Variants in SREK1 observed in about 807,000 individuals in gnomAD.
SREK1 encodes the protein splicing regulatory glutamine/lysine-rich protein 1.
Under a neutral mutation model 66.5 loss-of-function variants are expected in SREK1, and 13 were observed. That is an observed-to-expected ratio of 0.20 (90% CI 0.13 to 0.31). The LOEUF is 0.31. SREK1 is among the 10% of genes least tolerant of loss of function. SREK1 has a pLI of 1.00. For synonymous variants in SREK1, 265 were observed against 263.5 expected, an observed-to-expected ratio of 1.01 and a Z score of -0.05; for missense variants, 607 against 769.6, an observed-to-expected ratio of 0.79 and a Z score of 2.50.
chr5:66,157,616 A>G (rs1050561380), intron 2 of SREK1: 1 of 967,874 alleles, frequency 1.0e-6, no homozygotes, highest in Non-Finnish European at 1.2e-6. Flanking sequence ...TAATACATAT[A>G]AAGCAGATTA....
chr5:66,151,107 C>T (rs935880233), intron 1 of SREK1, among the ~76,000 whole-genome samples: 8 of 152,088 alleles, frequency 5.3e-5, no homozygotes, highest in Admixed American at 3.9e-4. Context: ...TCCCATAGTG[C>T]TAGGATTACA....
chr5:66,159,221 A>G lies in SREK1; in HGVS notation c.298A>G (p.Lys100Glu), dbSNP rs765659607. ...ALIVVPCAEG[K>E]IPEESKALSL... ...ATGTTTGGAACTTGCCTCTGCAGGTAAAATCCCAGAGGAATCCAAAGCCCT... is the reference window on the plus strand; with the variant it reads ...ATGTTTGGAACTTGCCTCTGCAGGTGAAATCCCAGAGGAATCCAAAGCCCT... The change falls in exon 3 of 12, where the codon AAA (lysine) becomes GAA (glutamate). Residue 100 changes from lysine (K) to glutamate (E), a missense_variant and splice_region_variant. Around this residue, in one of 5 missense-constraint regions of SREK1, gnomAD observed 99 missense variants for 186.6 expected, o/e 0.53. Coordinates refer to ENST00000334121, the MANE Select transcript of SREK1 (RefSeq NM_001077199.3). The G allele has an allele frequency of 6.2e-7, 1 of 1,608,674 alleles. No individual in the cohort carries two copies. The highest frequency in any genetic ancestry group is 1.1e-5 in the South Asian group (1 of 89,980).
rs1746161448 is a variant in SREK1 at position 66,177,586 on chromosome 5, A to C, written c.1653A>C (p.Ser551=). 14 of 1,611,460 alleles carry C rather than the reference A, an allele frequency of 8.7e-6. No homozygotes were observed. Among genetic ancestry groups the C allele is most frequent in the Non-Finnish European group, 1.2e-5 (14 of 1,178,498 alleles). The change falls in exon 11 of 12, where the codon TCA becomes TCC. Residue 551 remains serine, a synonymous_variant. Transcript: ENST00000334121. The part of the protein sequence containing the change: ...HISERRERER[S]TSMRKSSNDR... Reference sequence around the variant, plus strand: ...GTGAAAGAAGAGAGAGAGAACGTTCAACGTCTATGAGAAAGAGTTCTAATG... The same window carrying C: ...GTGAAAGAAGAGAGAGAGAACGTTCCACGTCTATGAGAAAGAGTTCTAATG...
intron 3 of SREK1, among the ~76,000 whole-genome samples, chr5:66,161,046 C>T (rs1399511984): frequency 6.6e-6 from 1 of 152,068 alleles, no homozygotes; most frequent in East Asian, 1.9e-4. Flanking sequence ...CTTTTCCTAC[C>T]ATGGCATAAG....
chr5:66,151,552 T>C (rs1743808822), intron 1 of SREK1, among the ~76,000 whole-genome samples: 1 of 152,154 alleles, frequency 6.6e-6, no homozygotes, highest in Non-Finnish European at 1.5e-5. Flanking sequence ...AGGAGGTTGA[T>C]GAATGTATTT....
chr5:66,144,381 A>G lies in SREK1; in HGVS notation c.5A>G (p.Asn2Ser), dbSNP rs1403436398. 2 of 1,547,460 alleles carry G rather than the reference A, an allele frequency of 1.3e-6. No homozygotes were observed. Among genetic ancestry groups the G allele is most frequent in the African/African-American group, 1.4e-5 (1 of 72,868 alleles). Residue 2 changes from asparagine to serine, a missense_variant, in exon 1 of 12, where the codon AAC becomes AGC. Around this residue, in one of 5 missense-constraint regions of SREK1, gnomAD observed 75 missense variants for 72.9 expected, o/e 1.03. Coordinates refer to ENST00000334121, the MANE Select transcript of SREK1 (RefSeq NM_001077199.3). M[N>S]SGGGFGLGLG... ...GGCAACGGCAGCGGGATCGGGATGA[A>G]CAGCGGCGGCGGCTTCGGTTTGGGC... is the stretch of plus-strand genomic sequence containing the variant.
intron 3 of SREK1, among the ~76,000 whole-genome samples, chr5:66,160,742 G>A (rs913584941): frequency 4.6e-5 from 7 of 151,978 alleles, no homozygotes; most frequent in Non-Finnish European, 8.8e-5. Context: ...CCATTAGCAA[G>A]TGCCATTACT....
chr5:66,157,121 G>A (rs1387420021), intron 2 of SREK1: 1 of 944,014 alleles, frequency 1.1e-6, no homozygotes, highest in East Asian at 1.2e-4. Context: ...AATTAGAATG[G>A]TAATTGAAAG....
In SREK1 at chr5:66,178,926, T is replaced by C. The variant is rs914340789; in HGVS notation, c.*58T>C. On this transcript the variant is annotated 3_prime_UTR_variant, in exon 12 of 12. Coordinates refer to ENST00000334121, the MANE Select transcript of SREK1 (RefSeq NM_001077199.3). ...GAATCAAATCCAAAGCTTTTAATTCTCTCAACAAGATGTAAACAGGAAAGA... is the reference window on the plus strand; with the variant it reads ...GAATCAAATCCAAAGCTTTTAATTCCCTCAACAAGATGTAAACAGGAAAGA... The C allele has an allele frequency of 1.8e-5, 26 of 1,472,128 alleles. No individual in the cohort carries two copies. The highest frequency in any genetic ancestry group is 2.3e-5 in the Non-Finnish European group (25 of 1,101,828). 91.2% of individuals were successfully genotyped at this position (1,472,128 alleles called of 1,614,324 possible). A position where few individuals can be genotyped will look rare whatever the true frequency, so the allele number is the denominator to read the frequency against.
chr5:66,167,906 A>G (rs1159137756), intron 7 of SREK1: 1 of 152,180 alleles, frequency 6.6e-6, no homozygotes, highest in Admixed American at 6.5e-5. Flanking sequence ...AGATTACCCT[A>G]TGTGGATATC....
intron 2 of SREK1, chr5:66,157,836 T>A: frequency 2.1e-6 from 1 of 486,186 alleles, no homozygotes; most frequent in Non-Finnish European, 2.7e-6. Context: ...AATCAAGTTT[T>A]AAATTCCAAC....
chr5:66,158,554 A>G (rs1744478881), intron 2 of SREK1: 1 of 191,150 alleles, frequency 5.2e-6, no homozygotes, highest in African/African-American at 2.4e-5. Context: ...TTTACGTTGA[A>G]GTTGATTACA....
chr5:66,147,068 C>G (rs770506402), intron 1 of SREK1, among the ~76,000 whole-genome samples: 10 of 152,078 alleles, frequency 6.6e-5, no homozygotes, highest in Non-Finnish European at 1.5e-5. Context: ...AAAAAAATGA[C>G]TTAAATGACT....
chr5:66,152,504 T>C (rs1189435572), intron 1 of SREK1, among the ~76,000 whole-genome samples: 3 of 152,252 alleles, frequency 2.0e-5, no homozygotes, highest in Non-Finnish European at 4.4e-5. Context: ...ATGTTAACTT[T>C]GCGATTTACT....
rs1165830445 is a variant in SREK1, at chr5:66,145,155, C to T, written c.161+618C>T. ...AGATTAAATTTTCCTCCTGAAAGGT[C>T]ACACTGTCCCAAAGCTTTCAGAAAA... On this transcript the variant is annotated intron_variant, in intron 1 of 11. Coordinates refer to ENST00000334121, the MANE Select transcript of SREK1 (RefSeq NM_001077199.3). The T allele has an allele frequency of 7.1e-6, 7 of 985,394 alleles. 1 individual carries two copies. Among genetic ancestry groups the T allele is most frequent in the Non-Finnish European group, 3.6e-6 (3 of 829,972 alleles). 61.0% of individuals were successfully genotyped at this position (985,394 alleles called of 1,614,324 possible). A position where few individuals can be genotyped will look rare whatever the true frequency, so the allele number is the denominator to read the frequency against.
chr5:66,177,479 C>A (rs1240592761), intron 10 of SREK1, 35 bp from the exon 11 acceptor site: 14 of 1,485,402 alleles, frequency 9.4e-6, no homozygotes, highest in African/African-American at 1.4e-5. Flanking sequence ...CTTACAATTT[C>A]TTAGAATTTA....
chr5:66,154,297 T>G (rs1486858262), intron 2 of SREK1, among the ~76,000 whole-genome samples: 1 of 152,198 alleles, frequency 6.6e-6, no homozygotes, highest in Non-Finnish European at 1.5e-5. Context: ...TTACTAATAT[T>G]TTTTAGTAAC....
chr5:66,154,286 A>G (rs1744099091), intron 2 of SREK1, among the ~76,000 whole-genome samples: 1 of 152,210 alleles, frequency 6.6e-6, no homozygotes, highest in Admixed American at 6.5e-5. Context: ...AGAACTAATT[A>G]TTACTAATAT....
chr5:66,166,441 G>T (rs1175875408), intron 7 of SREK1: 1 of 152,096 alleles, frequency 6.6e-6, no homozygotes, highest in Admixed American at 6.6e-5. Flanking sequence ...CACAATGTCT[G>T]CGTAGCATTA....
Sources: gnomAD v4.1 joint callset for allele counts (sites outside exome capture counted in the v4.1 genomes callset) on GRCh38, gnomAD v4.1.1 for gene constraint, gnomAD v4.1.1 regional missense constraint, MANE v1.5 for transcripts, NCBI Gene and HGNC (gene_info 2026-07-23, HGNC 2026-07-21) for gene names.